CTDSPL2: variants seen among roughly 807,000 people sequenced by gnomAD.
CTDSPL2 encodes CTD small phosphatase-like protein 2.
CTDSPL2 carries 5 observed loss-of-function variants against 60.0 expected under a neutral mutation model. That is an observed-to-expected ratio of 0.08 (90% CI 0.04 to 0.18). The LOEUF (loss-of-function observed/expected upper bound fraction) is 0.18. CTDSPL2 is among the 10% of genes least tolerant of loss of function. The pLI is 1.00. For synonymous variants in CTDSPL2, 186 were observed against 189.3 expected (o/e 0.98, Z 0.14); for missense variants, 370 against 548.8 (o/e 0.67, Z 3.26).
rs563308106 is a variant in CTDSPL2, at chr15:44,459,168, A to G, written c.154A>G (p.Ile52Val). 9 of 1,607,490 alleles carry G rather than the reference A, an allele frequency of 5.6e-6. No individual in the cohort carries two copies. Among genetic ancestry groups the G allele is most frequent in the Non-Finnish European group, 7.6e-6 (9 of 1,177,718 alleles). The change falls in exon 2 of 13, where the codon ATT becomes GTT. Residue 52 changes from isoleucine to valine, a missense_variant. Physicochemically the swap from Ile to Val is conservative, Grantham distance 29 (BLOSUM62 3). Transcript: ENST00000260327. The stretch of plus-strand genomic sequence containing the variant: ...GAATGAAACCGGCTTGTTGTCTTCA[A>G]TTAAAAAATTTATTAAAGGAAGCAC... The part of the protein sequence containing the change: ...SKNETGLLSS[I>V]KKFIKGSTPK...
intron 1 of CTDSPL2, among the ~76,000 whole-genome samples, chr15:44,438,237 C>T (rs2080015859): frequency 6.8e-6 from 1 of 147,680 alleles, no homozygotes; most frequent in African/African-American, 2.5e-5. Flanking sequence ...GCGCTCCAGC[C>T]TGGGTGACAG....
At chr15:44,495,517 C>T (rs2081283966) in intron 5 of CTDSPL2, among the ~76,000 whole-genome samples, 1 of 150,902 alleles carries the variant, frequency 6.6e-6, no homozygotes, top group Non-Finnish European at 1.5e-5. Context: ...CCACTGCACT[C>T]CAGCCTGGGT....
intron 1 of CTDSPL2, chr15:44,447,559 T>C (rs2040733069): frequency 6.6e-6 from 1 of 152,266 alleles, no homozygotes; most frequent in African/African-American, 2.4e-5. Flanking sequence ...AAAATATTGA[T>C]GTTTAAAAAA....
At chr15:44,468,188 G>T (rs1293006423) in intron 2 of CTDSPL2, among the ~76,000 whole-genome samples, 1 of 152,064 alleles carries the variant, frequency 6.6e-6, no homozygotes, top group Admixed American at 6.6e-5. Flanking sequence ...AATGTAACTG[G>T]AATTTTCTTT....
intron 2 of CTDSPL2, among the ~76,000 whole-genome samples, chr15:44,483,348 C>T (rs912529147): frequency 4.0e-5 from 6 of 150,322 alleles, no homozygotes; most frequent in African/African-American, 1.5e-4. Flanking sequence ...CAGTGGCTTA[C>T]GCCTGTAATT....
chr15:44,431,589 T>G (rs1324179171), intron 1 of CTDSPL2, among the ~76,000 whole-genome samples: 5 of 152,218 alleles, frequency 3.3e-5, no homozygotes, highest in Admixed American at 6.5e-5. Flanking sequence ...TTAAAAATTG[T>G]CTTTTGTTGA....
chr15:44,492,057 C>G (rs1156403077), intron 5 of CTDSPL2, among the ~76,000 whole-genome samples: 1 of 151,946 alleles, frequency 6.6e-6, no homozygotes, highest in African/African-American at 2.4e-5. Context: ...TTAGTAGAGA[C>G]CAGGTTTCAT....
chr15:44,469,507 C>G (rs941721506), intron 2 of CTDSPL2, among the ~76,000 whole-genome samples: 2 of 151,410 alleles, frequency 1.3e-5, no homozygotes, highest in Admixed American at 1.3e-4. Flanking sequence ...ATTTTGATAC[C>G]TTATTTTTTA....
At chr15:44,430,263 A>G (rs2079830320) in intron 1 of CTDSPL2, among the ~76,000 whole-genome samples, 1 of 152,084 alleles carries the variant, frequency 6.6e-6, no homozygotes, top group African/African-American at 2.4e-5. Flanking sequence ...GTAAAATGGC[A>G]TTTATTTTTA....
At chr15:44,448,141 C>T (rs1834137790) in intron 1 of CTDSPL2, 2 of 261,236 alleles carry the variant, frequency 7.7e-6, no homozygotes, top group Non-Finnish European at 7.9e-6. Context: ...GCACTCCACA[C>T]CAGAGCCCAT....
intron 1 of CTDSPL2, among the ~76,000 whole-genome samples, chr15:44,436,091 A>T (rs1311278287): frequency 6.6e-6 from 1 of 152,206 alleles, no homozygotes; most frequent in South Asian, 2.1e-4. Context: ...TTGATTTCAG[A>T]TTAGTCAGGC....
At position 44,496,599 on chromosome 15, in the gene CTDSPL2, A is replaced by G. The variant is rs2081304488; in HGVS notation, c.770+141A>G. The G allele has an allele frequency of 4.6e-5, 30 of 652,756 alleles. No individual in the cohort carries two copies. In the South Asian group the frequency reaches 5.7e-4, roughly 12 times the overall value. The allele number at this position is 652,756 out of a possible 1,614,324, so 40.4% of individuals were successfully genotyped here. A position where few individuals can be genotyped will look rare whatever the true frequency, so the allele number is the denominator to read the frequency against. ...TGAAACTTTTAATGGGGCTGGGTGC[A>G]GTGGCTCATCCCAGCACTTTGAGAG... On this transcript the variant is annotated intron_variant, in intron 6 of 12. Coordinates refer to ENST00000260327, the MANE Select transcript of CTDSPL2 (RefSeq NM_016396.3).
chr15:44,520,706 A>G (rs538746723), intron 11 of CTDSPL2: 3 of 152,358 alleles, frequency 2.0e-5, no homozygotes, highest in South Asian at 2.1e-4. Flanking sequence ...TCCATCTCAT[A>G]TACAACATTT....
intron 2 of CTDSPL2, among the ~76,000 whole-genome samples, chr15:44,460,945 T>C (rs1228149880): frequency 1.3e-5 from 2 of 151,972 alleles, no homozygotes; most frequent in African/African-American, 4.8e-5. Flanking sequence ...CTGAGCAGCT[T>C]TAGTTGTCAT....
intron 8 of CTDSPL2, among the ~76,000 whole-genome samples, chr15:44,505,726 T>A (rs1213406172): frequency 5.4e-5 from 8 of 147,922 alleles, no homozygotes; most frequent in African/African-American, 2.0e-4. Flanking sequence ...AGAGCGAGAC[T>A]CTGTCTCCCA....
chr15:44,437,518 CTTTTAG>C (rs1458206511), intron 1 of CTDSPL2, among the ~76,000 whole-genome samples: 1 of 152,100 alleles, frequency 6.6e-6, no homozygotes, highest in African/African-American at 2.4e-5. Flanking sequence ...GAGGAAGAAA[CTTTTAG>C]TTTTATTTAT....
chr15:44,461,113 C>T (rs2080558177), intron 2 of CTDSPL2, among the ~76,000 whole-genome samples: 1 of 152,120 alleles, frequency 6.6e-6, no homozygotes, highest in Non-Finnish European at 1.5e-5. Flanking sequence ...TGATATTTAT[C>T]ATTATCTTGG....
At chr15:44,432,390 G>T (rs1322239529) in intron 1 of CTDSPL2, among the ~76,000 whole-genome samples, 3 of 151,786 alleles carry the variant, frequency 2.0e-5, no homozygotes, top group African/African-American at 7.3e-5. Flanking sequence ...GGCAATCTTG[G>T]CTCAATGCAA....
At chr15:44,428,145 T>A (rs1373761403) in intron 1 of CTDSPL2, 2 of 153,910 alleles carry the variant, frequency 1.3e-5, no homozygotes, top group Non-Finnish European at 2.9e-5. Flanking sequence ...GCCCACCTCA[T>A]GTTTTCAGCA....
Sources: allele counts gnomAD v4.1 joint callset (sites outside exome capture counted in the v4.1 genomes callset), GRCh38; gene constraint gnomAD v4.1.1; transcripts MANE v1.5; gene names NCBI Gene and HGNC (gene_info 2026-07-23, HGNC 2026-07-21).